Variants in RANBP17 observed in about 807,000 individuals in gnomAD.
RANBP17 encodes the protein RAN binding protein 17.
In RANBP17, 158 loss-of-function variants were observed where a neutral mutation model predicts 141.2. The observed-to-expected ratio is 1.12, with a 90% CI of 0.98 to 1.28. RANBP17 has a LOEUF of 1.28. RANBP17 is among the 50% of genes most tolerant of loss of function. The pLI, the probability that RANBP17 is intolerant of heterozygous loss-of-function variation, is 0.00. For missense variants in RANBP17, 1,438 were observed against 1,290.7 expected, an observed-to-expected ratio of 1.11 and a Z score of -1.75; for synonymous variants, 430 against 450.0, an observed-to-expected ratio of 0.96 and a Z score of 0.56.
At chr5:171,195,811 A>C (rs1169521351) in intron 18 of RANBP17, among the ~76,000 whole-genome samples, 2 of 152,228 alleles carry the variant, frequency 1.3e-5, no homozygotes, top group African/African-American at 4.8e-5. Flanking sequence ...CTCTGCTCAC[A>C]TGTAAAATGA....
intron 1 of RANBP17, among the ~76,000 whole-genome samples, chr5:170,867,530 A>G (rs781757032): frequency 2.6e-5 from 4 of 152,156 alleles, no homozygotes; most frequent in Admixed American, 6.5e-5. Context: ...TAAGAGGAAG[A>G]AAAAAAGAGT....
At chr5:171,079,090 A>G (rs1581578099) in intron 14 of RANBP17, among the ~76,000 whole-genome samples, 1 of 152,208 alleles carries the variant, frequency 6.6e-6, no homozygotes, top group Non-Finnish European at 1.5e-5. Context: ...AGGTCAGTAT[A>G]TTAACATTAA....
intron 14 of RANBP17, among the ~76,000 whole-genome samples, chr5:170,996,310 A>G (rs1309510168): frequency 6.6e-6 from 1 of 152,210 alleles, no homozygotes; most frequent in African/African-American, 2.4e-5. Context: ...AATAATGTCA[A>G]TGAAATAAAA....
In RANBP17 at chr5:171,053,902, TATATATATATATATATATATATA is replaced by T. The variant is rs1561596480; in HGVS notation, c.1710+85528_1710+85550del. On this transcript the variant is annotated intron_variant, in intron 14 of 27. Coordinates refer to ENST00000523189, the MANE Select transcript of RANBP17 (RefSeq NM_022897.5). ...TCATATATATATATATATATATATA[TATATATATATATATATATATATA>T]ATTGCTGTATTTGATGCATATATGC... Among the ~76,000 whole-genome samples the T allele has an allele frequency of 2.1e-3, 284 of 138,156 alleles. 12 individuals carry two copies. In the East Asian group the frequency reaches 0.031, roughly 15 times the overall value. 90.6% of individuals were successfully genotyped at this position (138,156 alleles called of 152,430 possible).
At chr5:170,931,680 T>C (rs540143665) in intron 12 of RANBP17, among the ~76,000 whole-genome samples, 1 of 152,344 alleles carries the variant, frequency 6.6e-6, no homozygotes, top group East Asian at 1.9e-4. Context: ...TCCCCATTTC[T>C]TGTTTTTGTC....
intron 14 of RANBP17, among the ~76,000 whole-genome samples, chr5:171,121,523 G>A (rs1443439702): frequency 1.3e-5 from 2 of 152,206 alleles, no homozygotes; most frequent in Admixed American, 1.3e-4. Flanking sequence ...TCGCTGTTCT[G>A]CTGGCCCAGT....
intron 14 of RANBP17, among the ~76,000 whole-genome samples, chr5:171,098,712 C>G (rs1393231771): frequency 6.6e-6 from 1 of 152,114 alleles, no homozygotes; most frequent in Non-Finnish European, 1.5e-5. Context: ...AGTTATCACC[C>G]ATGCCTGTGT....
At chr5:171,115,633 A>G (rs1208962147) in intron 14 of RANBP17, among the ~76,000 whole-genome samples, 2 of 152,228 alleles carry the variant, frequency 1.3e-5, no homozygotes, top group Non-Finnish European at 2.9e-5. Context: ...GCAGCTAGGA[A>G]TGCTTTGTAG....
intron 14 of RANBP17, among the ~76,000 whole-genome samples, chr5:171,093,051 G>A (rs757867362): frequency 6.6e-6 from 1 of 152,052 alleles, no homozygotes; most frequent in Non-Finnish European, 1.5e-5. Flanking sequence ...AGTCCTCACA[G>A]CTGTGCTTTA....
chr5:171,108,385 ATTAAAG>A (rs1754994556), intron 14 of RANBP17, among the ~76,000 whole-genome samples: 1 of 152,150 alleles, frequency 6.6e-6, no homozygotes, highest in Non-Finnish European at 1.5e-5. Context: ...AGTCTAAAAA[ATTAAAG>A]TTCAAGTGAA....
intron 12 of RANBP17, among the ~76,000 whole-genome samples, chr5:170,944,468 A>G (rs1774592630): frequency 6.6e-6 from 1 of 152,142 alleles, no homozygotes; most frequent in African/African-American, 2.4e-5. Context: ...GGGTTTTGCC[A>G]TGTTGGCCAG....
intron 12 of RANBP17, among the ~76,000 whole-genome samples, chr5:170,948,361 T>A (rs1268460814): frequency 6.6e-6 from 1 of 152,000 alleles, no homozygotes; most frequent in Non-Finnish European, 1.5e-5. Context: ...ATAAAAGAGA[T>A]CAGCAAACTT....
At chr5:170,941,207 A>G (rs1183025052) in intron 12 of RANBP17, among the ~76,000 whole-genome samples, 3 of 152,166 alleles carry the variant, frequency 2.0e-5, no homozygotes, top group Non-Finnish European at 4.4e-5. Flanking sequence ...AGTTAGAATG[A>G]GAGGAACAGA....
chr5:170,982,655 G>A (rs1436596873), intron 14 of RANBP17, among the ~76,000 whole-genome samples: 1 of 152,154 alleles, frequency 6.6e-6, no homozygotes, highest in Middle Eastern at 3.2e-3. Context: ...ATTAATGGGA[G>A]TTCCAGTAAG....
chr5:171,194,249 A>G (rs920902786), intron 18 of RANBP17, among the ~76,000 whole-genome samples: 2 of 152,150 alleles, frequency 1.3e-5, no homozygotes, highest in Admixed American at 6.5e-5. Flanking sequence ...TACGTAATTC[A>G]TTGGTATTTA....
At chr5:171,088,938 C>T (rs1785941653) in intron 14 of RANBP17, among the ~76,000 whole-genome samples, 1 of 151,772 alleles carries the variant, frequency 6.6e-6, no homozygotes, top group African/African-American at 2.4e-5. Flanking sequence ...GTAATTTGAT[C>T]GTCTGAAGCC....
At chr5:171,169,461 T>C (rs1759945162) in intron 14 of RANBP17, among the ~76,000 whole-genome samples, 1 of 152,094 alleles carries the variant, frequency 6.6e-6, no homozygotes, top group Non-Finnish European at 1.5e-5. Flanking sequence ...TGGCTTGGAT[T>C]GAGACTGAAA....
At chr5:171,106,902 A>G (rs1053260256) in intron 14 of RANBP17, among the ~76,000 whole-genome samples, 10 of 152,190 alleles carry the variant, frequency 6.6e-5, no homozygotes, top group Non-Finnish European at 1.5e-4. Context: ...TTACATAACT[A>G]AAAGTTTAAA....
chr5:171,150,713 A>G (rs141485175), intron 14 of RANBP17, among the ~76,000 whole-genome samples: 1 of 152,190 alleles, frequency 6.6e-6, no homozygotes, highest in Non-Finnish European at 1.5e-5. Flanking sequence ...GGAGATTTGA[A>G]CTCTGGTTTT....
Sources: allele counts gnomAD v4.1 joint callset (sites outside exome capture counted in the v4.1 genomes callset), GRCh38; gene constraint gnomAD v4.1.1; transcripts MANE v1.5; gene names NCBI Gene and HGNC (gene_info 2026-07-23, HGNC 2026-07-21).